The following PLPPR1 variants were observed in gnomAD, a reference collection of about 807,000 sequenced individuals.
The protein encoded by PLPPR1 is phospholipid phosphatase-related protein type 1.
In PLPPR1, 10 loss-of-function variants were observed where a neutral mutation model predicts 33.1. The ratio of observed to expected loss-of-function variants is 0.30; its 90% CI spans 0.19 to 0.51. The LOEUF is 0.51. Among genes scored for constraint, PLPPR1 ranks in the 20% least tolerant of loss-of-function variants. The pLI is 0.97. For synonymous variants in PLPPR1, 151 were observed against 151.0 expected, an observed-to-expected ratio of 1.00 and a Z score of 0.00; for missense variants, 304 against 408.1, an observed-to-expected ratio of 0.74 and a Z score of 2.20.
chr9:101,152,037 C>G (rs1831595163), intron 1 of PLPPR1, among the ~76,000 whole-genome samples: 1 of 152,236 alleles, frequency 6.6e-6, no homozygotes, highest in South Asian at 2.1e-4. Flanking sequence ...GTTCCTATTT[C>G]TCCACATCCT....
intron 1 of PLPPR1, among the ~76,000 whole-genome samples, chr9:101,159,751 A>T (rs1831749243): frequency 6.6e-6 from 1 of 152,214 alleles, no homozygotes; most frequent in African/African-American, 2.4e-5. Flanking sequence ...AATGAGCGCA[A>T]AGGGATATTG....
At chr9:101,068,541 T>C (rs1830447549) in intron 1 of PLPPR1, among the ~76,000 whole-genome samples, 1 of 152,064 alleles carries the variant, frequency 6.6e-6, no homozygotes, top group South Asian at 2.1e-4. Context: ...ATTGCTCTAA[T>C]GCTGAAACAT....
intron 4 of PLPPR1, among the ~76,000 whole-genome samples, chr9:101,291,140 C>T (rs987188978): frequency 2.0e-5 from 3 of 152,242 alleles, no homozygotes; most frequent in Admixed American, 1.3e-4. Flanking sequence ...GATTATATCC[C>T]TCACATGGCT....
At chr9:101,253,598 C>G (rs1827748577) in intron 2 of PLPPR1, among the ~76,000 whole-genome samples, 1 of 151,928 alleles carries the variant, frequency 6.6e-6, no homozygotes, top group Admixed American at 6.6e-5. Context: ...TCTACTCATT[C>G]TGTTTCTTTT....
chr9:101,229,674 T>C (rs1320489372), intron 2 of PLPPR1, among the ~76,000 whole-genome samples: 1 of 152,152 alleles, frequency 6.6e-6, no homozygotes, highest in Non-Finnish European at 1.5e-5. Context: ...TTTGAAAACT[T>C]TCATCTTTGA....
chr9:101,323,884 G>A, intron 7 of PLPPR1, 141 bp from the exon 8 acceptor site: 5 of 528,984 alleles, frequency 9.5e-6, no homozygotes, highest in Non-Finnish European at 1.7e-5. Flanking sequence ...AAATTCAGGG[G>A]CCTTGGAAAA....
chr9:101,211,449 C>A (rs1178183423), intron 2 of PLPPR1, among the ~76,000 whole-genome samples: 1 of 152,182 alleles, frequency 6.6e-6, no homozygotes, highest in East Asian at 1.9e-4. Flanking sequence ...ATATCTAAGA[C>A]CACACAGTCC....
intron 1 of PLPPR1, among the ~76,000 whole-genome samples, chr9:101,172,900 C>T (rs984344053): frequency 6.6e-6 from 1 of 152,080 alleles, no homozygotes; most frequent in African/African-American, 2.4e-5. Context: ...TTTATTGCCT[C>T]ATGTCCAATG....
chr9:101,231,268 G>A (rs1334451923), intron 2 of PLPPR1, among the ~76,000 whole-genome samples: 1 of 122,576 alleles, frequency 8.2e-6, no homozygotes, highest in African/African-American at 4.0e-5. Flanking sequence ...AACAGAAAAT[G>A]GTGCCCCAAT....
intron 1 of PLPPR1, among the ~76,000 whole-genome samples, chr9:101,107,756 C>A (rs1383947555): frequency 1.0e-5 from 1 of 99,720 alleles, no homozygotes; most frequent in Non-Finnish European, 2.2e-5. Context: ...GCCTCGTTGC[C>A]GCCTTGCAGT....
intron 1 of PLPPR1, among the ~76,000 whole-genome samples, chr9:101,049,719 G>T (rs1211768108): frequency 6.6e-6 from 1 of 151,856 alleles, no homozygotes; most frequent in African/African-American, 2.4e-5. Context: ...AACATATGGA[G>T]TAATGGGTAT....
intron 2 of PLPPR1, among the ~76,000 whole-genome samples, chr9:101,259,925 T>C (rs1831235): frequency 0.36 from 55,318 of 151,988 alleles, 10,153 homozygotes; most frequent in African/African-American, 0.41. Context: ...CTGTCCTTTG[T>C]CCACAAGGCA....
rs1831587816 is a variant in PLPPR1, at chr9:101,151,637, C to A, written c.-45-33813C>A. On this transcript the variant is annotated intron_variant, in intron 1 of 7. Transcript: ENST00000374874. ...TCCTGTGTGGCAGTATTACTTGTCA[C>A]CCTCCCCTACCATTGGTTTACAAAG... Among the ~76,000 whole-genome samples, 3 of 152,242 alleles carry A rather than the reference C, an allele frequency of 2.0e-5. No individual in the cohort carries two copies. The South Asian group carries it at 6.2e-4, about 32-fold the overall frequency.
chr9:101,318,203 G>A (rs1052806864), intron 7 of PLPPR1, among the ~76,000 whole-genome samples: 1 of 152,138 alleles, frequency 6.6e-6, no homozygotes, highest in Non-Finnish European at 1.5e-5. Context: ...ATCAGGAAAG[G>A]TGGATATAAA....
chr9:101,227,315 G>A (rs902909134), intron 2 of PLPPR1, among the ~76,000 whole-genome samples: 2 of 152,170 alleles, frequency 1.3e-5, no homozygotes, highest in Non-Finnish European at 2.9e-5. Flanking sequence ...GCCAGCATCT[G>A]TTGTTTCTGG....
intron 2 of PLPPR1, among the ~76,000 whole-genome samples, chr9:101,238,375 A>C (rs1238664362): frequency 1.4e-5 from 2 of 144,934 alleles, no homozygotes; most frequent in African/African-American, 5.1e-5. Context: ...GGGTATATAT[A>C]TAGGGTATAT....
At position 101,060,642 on chromosome 9, in the gene PLPPR1, G is replaced by A. The variant is rs7035458; in HGVS notation, c.-46+31540G>A. Among the ~76,000 whole-genome samples, 786 of 151,778 alleles carry A rather than the reference G, an allele frequency of 5.2e-3. 1 individual carries two copies. The highest frequency in any genetic ancestry group is 0.01 in the Middle Eastern group (3 of 290). ...TATTAAAAATATATACAATAATTTA[G>A]ATAATTAACACATTATTTTTTAATG... is the stretch of plus-strand genomic sequence containing the variant. On this transcript the variant is annotated intron_variant, in intron 1 of 7. Coordinates refer to ENST00000374874, the MANE Select transcript of PLPPR1 (RefSeq NM_207299.2).
chr9:101,072,746 T>TG (rs1444419587), intron 1 of PLPPR1, among the ~76,000 whole-genome samples: 1 of 152,184 alleles, frequency 6.6e-6, no homozygotes, highest in Non-Finnish European at 1.5e-5. Context: ...CATATGTTAA[T>TG]ATTTCCCAGA....
chr9:101,129,613 C>A (rs1487699358), intron 1 of PLPPR1, among the ~76,000 whole-genome samples: 1 of 152,072 alleles, frequency 6.6e-6, no homozygotes, highest in Non-Finnish European at 1.5e-5. Context: ...GGGTGGATCA[C>A]GAGGTCAAGA....
Sources: allele counts gnomAD v4.1 joint callset (sites outside exome capture counted in the v4.1 genomes callset), GRCh38; gene constraint gnomAD v4.1.1; transcripts MANE v1.5; gene names NCBI Gene and HGNC (gene_info 2026-07-23, HGNC 2026-07-21).